The following CDH18 variants were observed in gnomAD, a reference collection of about 807,000 sequenced individuals.
CDH18 encodes the protein cadherin 18, also known as cadherin-18.
Under a neutral mutation model 67.9 loss-of-function variants are expected in CDH18, and 31 were observed. The observed-to-expected ratio is 0.46, with a 90% CI of 0.34 to 0.62. CDH18 has a LOEUF of 0.62. CDH18 is among the 20% of genes least tolerant of loss of function. CDH18 has a pLI of 0.01. For missense variants in CDH18, 890 were observed against 975.5 expected, an observed-to-expected ratio of 0.91 and a Z score of 1.17; for synonymous variants, 362 against 347.2, an observed-to-expected ratio of 1.04 and a Z score of -0.48.
At chr5:19,542,132 CA>C (rs2127068330) in intron 9 of CDH18, among the ~76,000 whole-genome samples, 1 of 152,256 alleles carries the variant, frequency 6.6e-6, no homozygotes, top group South Asian at 2.1e-4. Context: ...GCTAATTTTG[CA>C]GACACCAAAA....
chr5:20,380,501 C>T (rs538779417), intron 1 of CDH18, among the ~76,000 whole-genome samples: 5 of 152,232 alleles, frequency 3.3e-5, no homozygotes, highest in South Asian at 2.1e-4. Flanking sequence ...TACTTAACCA[C>T]GGTTTTTAGC....
At chr5:20,249,382 C>CTT (rs11395247) in intron 2 of CDH18, among the ~76,000 whole-genome samples, 1,885 of 129,698 alleles carry the variant, frequency 0.015, 34 homozygotes, top group South Asian at 0.026. Context: ...TCCTTTAAAA[C>CTT]TTTTTTTTTT....
At chr5:20,308,711 CAT>C (rs1331379786) in intron 1 of CDH18, among the ~76,000 whole-genome samples, 5 of 152,254 alleles carry the variant, frequency 3.3e-5, no homozygotes, top group African/African-American at 1.2e-4. Context: ...CAAAACATTA[CAT>C]GTTTATCATC....
At chr5:20,132,198 G>A (rs1239910921) in intron 2 of CDH18, among the ~76,000 whole-genome samples, 1 of 152,082 alleles carries the variant, frequency 6.6e-6, no homozygotes, top group Non-Finnish European at 1.5e-5. Flanking sequence ...CAACAATAAA[G>A]TCTTGATGTC....
intron 2 of CDH18, among the ~76,000 whole-genome samples, chr5:19,972,817 T>A (rs528558640): frequency 2.6e-5 from 4 of 151,938 alleles, no homozygotes; most frequent in Non-Finnish European, 5.9e-5. Flanking sequence ...AAAAGTCAAA[T>A]ACAAGACTGT....
At chr5:20,062,068 A>G (rs903797461) in intron 2 of CDH18, among the ~76,000 whole-genome samples, 8 of 152,000 alleles carry the variant, frequency 5.3e-5, no homozygotes, top group Non-Finnish European at 1.5e-5. Context: ...TTTGAAAAAC[A>G]GGCCTGGAGG....
At chr5:20,102,374 A>G (rs933095893) in intron 2 of CDH18, among the ~76,000 whole-genome samples, 8 of 152,086 alleles carry the variant, frequency 5.3e-5, no homozygotes, top group African/African-American at 1.9e-4. Flanking sequence ...TGGCTTCTTC[A>G]TTGATTTCTA....
intron 1 of CDH18, among the ~76,000 whole-genome samples, chr5:20,440,592 T>G (rs1749533454): frequency 6.6e-6 from 1 of 152,016 alleles, no homozygotes; most frequent in Non-Finnish European, 1.5e-5. Context: ...TGTAAGAATT[T>G]GCAATGTGGA....
chr5:19,484,178 T>A (rs1178984331), intron 11 of CDH18, among the ~76,000 whole-genome samples: 1 of 152,210 alleles, frequency 6.6e-6, no homozygotes, highest in Non-Finnish European at 1.5e-5. Flanking sequence ...TGTACTATAA[T>A]AAATGCCTGC....
At chr5:20,367,839 T>G (rs1056565490) in intron 1 of CDH18, among the ~76,000 whole-genome samples, 1 of 152,218 alleles carries the variant, frequency 6.6e-6, no homozygotes, top group Non-Finnish European at 1.5e-5. Flanking sequence ...TAACATGTAT[T>G]TGTTTTACTT....
chr5:19,779,844 T>G (rs1269428787), intron 3 of CDH18, among the ~76,000 whole-genome samples: 3 of 152,124 alleles, frequency 2.0e-5, no homozygotes, highest in East Asian at 3.9e-4. Flanking sequence ...AAATAGCCAA[T>G]AACAAGTGGC....
At chr5:20,089,499 A>G (rs1220273867) in intron 2 of CDH18, among the ~76,000 whole-genome samples, 1 of 152,192 alleles carries the variant, frequency 6.6e-6, no homozygotes, top group Non-Finnish European at 1.5e-5. Context: ...AAATCAATAA[A>G]TAAATTTAGT....
chr5:19,828,375 G>A (rs1397338481), intron 3 of CDH18, among the ~76,000 whole-genome samples: 4 of 152,126 alleles, frequency 2.6e-5, no homozygotes, highest in Non-Finnish European at 2.9e-5. Context: ...TACAAGGCCA[G>A]CATCATCCTG....
At chr5:19,641,209 C>A (rs536335102) in intron 5 of CDH18, among the ~76,000 whole-genome samples, 1 of 147,250 alleles carries the variant, frequency 6.8e-6, no homozygotes, top group East Asian at 2.0e-4. Context: ...AAAAGCCCAA[C>A]AAACAAAAGC....
chr5:19,641,406 C>A lies in CDH18; in HGVS notation c.644-28805G>T, dbSNP rs139831123. The stretch of plus-strand genomic sequence containing the variant: ...ACTGCTTGAAATGAAAATGATTGGT[C>A]AATATTCTTGAAGAACATAGATGCA... On this transcript the variant is annotated intron_variant, in intron 5 of 12. Coordinates refer to ENST00000382275, the MANE Select transcript of CDH18 (RefSeq NM_004934.5). Among the ~76,000 whole-genome samples the A allele has an allele frequency of 3.6e-3, 553 of 151,956 alleles. 2 individuals carry two copies. Among genetic ancestry groups the A allele is most frequent in the African/African-American group, 0.013 (532 of 41,470 alleles).
chr5:19,935,606 T>C (rs900312058), intron 2 of CDH18, among the ~76,000 whole-genome samples: 1 of 151,322 alleles, frequency 6.6e-6, no homozygotes, highest in Admixed American at 6.6e-5. Context: ...TTAAGCACAT[T>C]CTGTGATGTT....
intron 1 of CDH18, among the ~76,000 whole-genome samples, chr5:20,447,092 G>A (rs1033006129): frequency 6.6e-6 from 1 of 151,876 alleles, no homozygotes; most frequent in Non-Finnish European, 1.5e-5. Flanking sequence ...CTGAAATGCT[G>A]TTTCTCCTTT....
intron 1 of CDH18, among the ~76,000 whole-genome samples, chr5:20,501,569 A>T (rs372882831): frequency 0.015 from 247 of 16,070 alleles, 1 homozygote; most frequent in East Asian, 0.11. Context: ...ATATATATAT[A>T]ATATATATAT....
At chr5:20,234,634 T>C (rs1408144928) in intron 2 of CDH18, among the ~76,000 whole-genome samples, 1 of 152,260 alleles carries the variant, frequency 6.6e-6, no homozygotes, top group East Asian at 1.9e-4. Context: ...AACAAATGTT[T>C]ATTGTTTAAG....
Sources: allele counts gnomAD v4.1 joint callset (sites outside exome capture counted in the v4.1 genomes callset), GRCh38; gene constraint gnomAD v4.1.1; transcripts MANE v1.5; gene names NCBI Gene and HGNC (gene_info 2026-07-23, HGNC 2026-07-21).